The following NCOR1 variants were observed in gnomAD, a reference collection of about 807,000 sequenced individuals.
The protein encoded by NCOR1 is protein phosphatase 1, regulatory subunit 109.
In NCOR1, 63 loss-of-function variants were observed where a neutral mutation model predicts 288.1. The ratio of observed to expected loss-of-function variants is 0.22; its 90% CI spans 0.18 to 0.27. The LOEUF (loss-of-function observed/expected upper bound fraction) is 0.27. Ranked by LOEUF, NCOR1 falls within the 10% of genes least tolerant of loss-of-function variation. The pLI, the probability that NCOR1 is intolerant of heterozygous loss-of-function variation, is 1.00. For missense variants in NCOR1, 2,397 were observed against 3,019.2 expected, an observed-to-expected ratio of 0.79 and a Z score of 4.83; for synonymous variants, 1,007 against 1,065.9, an observed-to-expected ratio of 0.94 and a Z score of 1.08.
chr17:16,184,255 AAAC>A (rs2086139463), intron 3 of NCOR1, among the ~76,000 whole-genome samples: 1 of 152,204 alleles, frequency 6.6e-6, no homozygotes, highest in Non-Finnish European at 1.5e-5. Context: ...AAGCTTCTGA[AAAC>A]AACAAAATGA....
intron 15 of NCOR1, among the ~76,000 whole-genome samples, chr17:16,124,642 C>T (rs2073674455): frequency 6.6e-6 from 1 of 152,192 alleles, no homozygotes; most frequent in Admixed American, 6.5e-5. Flanking sequence ...AAAGCATCAA[C>T]AATAACTCCC....
Position 16,094,613 on chromosome 17 carries a change from G to C in NCOR1, c.2821-2555C>G, listed in dbSNP as rs561033282. On this transcript the variant is annotated intron_variant, in intron 21 of 45. Coordinates refer to ENST00000268712, the MANE Select transcript of NCOR1 (RefSeq NM_006311.4). ...CTTTCCATGGTCTCCCTCTCATGCC[G>C]AGCCAAAGCTGGACTGTGCCGCTGC... Among the ~76,000 whole-genome samples, 820 of 151,748 alleles carry C rather than the reference G, an allele frequency of 5.4e-3. 4 individuals are homozygous for C. The highest frequency in any genetic ancestry group is 8.6e-3 in the Non-Finnish European group (586 of 67,936).
At position 16,162,343 on chromosome 17, in the gene NCOR1, A is replaced by AT. The variant is rs2081027666; in HGVS notation, c.618+2635dup. On this transcript the variant is annotated intron_variant, in intron 5 of 45. Coordinates refer to ENST00000268712, the MANE Select transcript of NCOR1 (RefSeq NM_006311.4). ...AGATGTTACAACTAACAGGAATTTC[A>AT]TAAGTAGAACAAGAAACTGTTAGAA... Among the ~76,000 whole-genome samples the AT allele has an allele frequency of 3.9e-5, 6 of 152,238 alleles. No homozygotes were observed. The South Asian group carries it at 8.3e-4, about 21-fold the overall frequency.
chr17:16,127,667 GTA>G (rs1195788734), intron 14 of NCOR1, among the ~76,000 whole-genome samples: 11 of 143,544 alleles, frequency 7.7e-5, no homozygotes, highest in East Asian at 2.0e-4. Context: ...ATACATATAT[GTA>G]TATATGTGTA....
chr17:16,180,757 G>A (rs1271063338), intron 3 of NCOR1, among the ~76,000 whole-genome samples: 1 of 151,362 alleles, frequency 6.6e-6, no homozygotes, highest in Non-Finnish European at 1.5e-5. Flanking sequence ...CAAAAAAAAA[G>A]AATAAAACAA....
At chr17:16,058,658 A>T in intron 37 of NCOR1, 59 bp from the exon 38 acceptor site, 2 of 1,497,536 alleles carry the variant, frequency 1.3e-6, no homozygotes, top group Non-Finnish European at 1.8e-6. Flanking sequence ...CTGAAGTCTA[A>T]GTTCTTCACA....
intron 5 of NCOR1, among the ~76,000 whole-genome samples, chr17:16,162,026 C>T (rs1185935638): frequency 6.6e-6 from 1 of 151,668 alleles, no homozygotes; most frequent in Admixed American, 6.6e-5. Context: ...GAAATCAAAC[C>T]AGTAAAGACT....
rs962161622 is a variant in NCOR1, at chr17:16,215,375, A to T, written c.-84T>A. 2.5e-6 allele frequency: 1 copy of T among 394,654 alleles called. No individual in the cohort carries two copies. The highest frequency in any genetic ancestry group is 2.1e-5 in the African/African-American group (1 of 48,424). The allele number at this position is 394,654 out of a possible 1,614,324, so 24.4% of individuals were successfully genotyped here. ...GGGCCTACTCACCGGGAGCTGGCTA[A>T]GCGTGGGAGCCGACGTGCGCCCCGG... On this transcript the variant is annotated 5_prime_UTR_variant, in exon 1 of 46. Transcript: ENST00000268712.
chr17:16,156,184 C>T (rs2079747859), intron 6 of NCOR1, among the ~76,000 whole-genome samples: 1 of 151,852 alleles, frequency 6.6e-6, no homozygotes, highest in Non-Finnish European at 1.5e-5. Context: ...GCCTGTAATC[C>T]CAACACTTTG....
chr17:16,152,080 G>GCGAC, intron 7 of NCOR1, 82 bp from the exon 8 acceptor site: 5 of 852,756 alleles, frequency 5.9e-6, no homozygotes, highest in Admixed American at 2.9e-5. Context: ...TTTAATGTAA[G>GCGAC]CACAGGTAAA....
chr17:16,154,501 G>C (rs1268220431), intron 6 of NCOR1, among the ~76,000 whole-genome samples: 1 of 152,162 alleles, frequency 6.6e-6, no homozygotes, highest in Non-Finnish European at 1.5e-5. Context: ...ACTGGGGCTT[G>C]AGGTAACAGT....
intron 15 of NCOR1, among the ~76,000 whole-genome samples, chr17:16,121,575 C>T (rs1005492765): frequency 1.3e-4 from 20 of 152,046 alleles, no homozygotes; most frequent in Non-Finnish European, 1.5e-5. Context: ...GCAGAAAAGC[C>T]CTAGACCTGC....
intron 1 of NCOR1, among the ~76,000 whole-genome samples, chr17:16,211,143 G>C (rs7212874): frequency 0.05 from 7,538 of 152,170 alleles, 228 homozygotes; most frequent in African/African-American, 0.093. Context: ...CCCAACTTTA[G>C]CAACTTAGGC....
intron 14 of NCOR1, among the ~76,000 whole-genome samples, chr17:16,137,059 C>T (rs886747153): frequency 1.3e-5 from 2 of 152,160 alleles, no homozygotes; most frequent in South Asian, 4.1e-4. Context: ...ATGCATGACT[C>T]AGATGACAGA....
chr17:16,110,903 C>A (rs567006925), intron 18 of NCOR1, among the ~76,000 whole-genome samples: 6 of 152,226 alleles, frequency 3.9e-5, no homozygotes, highest in Non-Finnish European at 8.8e-5. Context: ...CAGAGACACA[C>A]TGGCTACACT....
At chr17:16,065,376 TTTTC>T (rs1188511213) in intron 33 of NCOR1, 105 bp downstream of exon 33, 46 of 1,239,804 alleles carry the variant, frequency 3.7e-5, no homozygotes, top group Non-Finnish European at 4.4e-5. Flanking sequence ...TATAGTATTC[TTTTC>T]TTTCTTTCTT....
intron 3 of NCOR1, among the ~76,000 whole-genome samples, chr17:16,180,323 G>C (rs1282411432): frequency 6.6e-6 from 1 of 152,200 alleles, no homozygotes; most frequent in African/African-American, 2.4e-5. Flanking sequence ...TATTTTGTTG[G>C]TGGGAATGTA....
At chr17:16,127,969 A>T (rs539126991) in intron 14 of NCOR1, among the ~76,000 whole-genome samples, 1 of 151,966 alleles carries the variant, frequency 6.6e-6, no homozygotes, top group South Asian at 2.1e-4. Flanking sequence ...CTCCCACCTC[A>T]GTCTCTCAGG....
intron 11 of NCOR1, among the ~76,000 whole-genome samples, chr17:16,139,458 C>T (rs886933403): frequency 7.9e-5 from 12 of 152,146 alleles, no homozygotes; most frequent in African/African-American, 2.7e-4. Context: ...TGATACTTAA[C>T]ATAATAAAAT....
Sources: allele counts gnomAD v4.1 joint callset (sites outside exome capture counted in the v4.1 genomes callset), GRCh38; gene constraint gnomAD v4.1.1; transcripts MANE v1.5; gene names NCBI Gene and HGNC (gene_info 2026-07-23, HGNC 2026-07-21).